Variants in PPARG observed in about 807,000 individuals in gnomAD.
PPARG encodes the protein peroxisome proliferator activated receptor gamma.
In PPARG, 17 loss-of-function variants were observed where a neutral mutation model predicts 39.2. The ratio of observed to expected loss-of-function variants is 0.43; its 90% CI spans 0.30 to 0.65. The LOEUF (loss-of-function observed/expected upper bound fraction) is 0.65. PPARG is among the 30% of genes least tolerant of loss of function. The probability of loss-of-function intolerance (pLI) is 0.13; values close to 1 mark genes in which losing one functional copy is unlikely to be tolerated. For synonymous variants in PPARG, 223 were observed against 215.7 expected (o/e 1.03, Z -0.30); for missense variants, 406 against 585.9 (o/e 0.69, Z 3.17).
intron 4 of PPARG, among the ~76,000 whole-genome samples, chr3:12,392,097 G>C (rs1447326157): frequency 6.6e-6 from 1 of 152,036 alleles, no homozygotes; most frequent in Non-Finnish European, 1.5e-5. Flanking sequence ...ATAAATAAGT[G>C]AAACAAATTC....
At chr3:12,403,730 T>C (rs2050559998) in intron 5 of PPARG, among the ~76,000 whole-genome samples, 1 of 152,208 alleles carries the variant, frequency 6.6e-6, no homozygotes, top group Admixed American at 6.5e-5. Flanking sequence ...ATGTGGAACC[T>C]GCGGGTATGG....
At chr3:12,350,758 T>C (rs2048460984) in intron 2 of PPARG, among the ~76,000 whole-genome samples, 1 of 152,248 alleles carries the variant, frequency 6.6e-6, no homozygotes, top group Non-Finnish European at 1.5e-5. Context: ...TTTTTCATTA[T>C]GACATAGCAC....
intron 2 of PPARG, among the ~76,000 whole-genome samples, chr3:12,338,466 TATG>T (rs2048080608): frequency 6.6e-6 from 1 of 152,210 alleles, no homozygotes; most frequent in South Asian, 2.1e-4. Context: ...AAAAATTTCT[TATG>T]ATTCTCAGTG....
At chr3:12,336,254 A>G (rs1575012819) in intron 2 of PPARG, among the ~76,000 whole-genome samples, 1 of 152,192 alleles carries the variant, frequency 6.6e-6, no homozygotes, top group Non-Finnish European at 1.5e-5. Flanking sequence ...AAACATCACA[A>G]GATACATCAG....
At chr3:12,334,934 G>T (rs1414521520) in intron 2 of PPARG, among the ~76,000 whole-genome samples, 1 of 151,814 alleles carries the variant, frequency 6.6e-6, no homozygotes, top group Non-Finnish European at 1.5e-5. Context: ...TTTTACTTAC[G>T]ACTACGGATT....
Position 12,416,718 on chromosome 3 carries a change from T to C in PPARG, c.744T>C (p.Tyr248=), listed in dbSNP as rs2051069718. Residue 248 remains tyrosine (Y), a synonymous_variant, in exon 7 of 8, where the codon TAT becomes TAC. Transcript: ENST00000651735. ...KTTDKSPFVI[Y]DMNSLMMGED... ...TTTATTTGCAGCCATTCGTTATCTA[T>C]GACATGAATTCCTTAATGATGGGAG... 1 of 1,613,692 alleles carries C rather than the reference T, an allele frequency of 6.2e-7. No homozygotes were observed. Among genetic ancestry groups the C allele is most frequent in the African/African-American group, 1.3e-5 (1 of 74,926 alleles).
At chr3:12,430,669 G>C (rs780797205) in intron 7 of PPARG, among the ~76,000 whole-genome samples, 1 of 152,172 alleles carries the variant, frequency 6.6e-6, no homozygotes, top group Non-Finnish European at 1.5e-5. Context: ...GTATAGTAGC[G>C]ATTGAGGTGT....
In PPARG at chr3:12,406,004, G is replaced by A. The variant is rs746778926; in HGVS notation, c.652G>A (p.Asp218Asn). The change falls in exon 6 of 8, where the codon GAC becomes AAC. Residue 218 changes from aspartate to asparagine, a missense_variant. Coordinates refer to ENST00000651735, the MANE Select transcript of PPARG (RefSeq NM_138711.6). Reference protein sequence around the residue: ...DLRALAKHLYDSYIKSFPLTK... With the variant: ...DLRALAKHLYNSYIKSFPLTK... ...CCGGGCCCTGGCAAAACATTTGTAT[G>A]ACTCATACATAAAGTCCTTCCCGCT... 2.5e-6 allele frequency: 4 copies of A among 1,614,020 alleles called. No individual in the cohort carries two copies. Among genetic ancestry groups the A allele is most frequent in the Non-Finnish European group, 3.4e-6 (4 of 1,180,020 alleles).
rs1211383093 is a variant in PPARG at position 12,397,375 on chromosome 3, C to CTTT, written c.529+4626_529+4628dup. On this transcript the variant is annotated intron_variant, in intron 5 of 7. Transcript: ENST00000651735. ...ACTAGATTTCAACTTTAACCTATTC[C>CTTT]TTTTTATTATTATTATTATTATTAT... is the stretch of plus-strand genomic sequence containing the variant. Among the ~76,000 whole-genome samples the CTTT allele has an allele frequency of 1.4e-3, 182 of 132,018 alleles. 1 individual carries two copies. The highest frequency in any genetic ancestry group is 0.012 in the Middle Eastern group (3 of 258). 86.6% of individuals were successfully genotyped at this position (132,018 alleles called of 152,430 possible). A position where few individuals can be genotyped will look rare whatever the true frequency, so the allele number is the denominator to read the frequency against.
chr3:12,412,895 G>T (rs1361157331), intron 6 of PPARG, among the ~76,000 whole-genome samples: 2 of 152,124 alleles, frequency 1.3e-5, no homozygotes, highest in Admixed American at 6.5e-5. Context: ...GCCCTTTGAT[G>T]TACGGTCTGA....
At chr3:12,353,349 G>C (rs2048548571) in intron 2 of PPARG, among the ~76,000 whole-genome samples, 1 of 152,066 alleles carries the variant, frequency 6.6e-6, no homozygotes, top group African/African-American at 2.4e-5. Context: ...AGCTCCTAAA[G>C]GCCCAAGACC....
intron 2 of PPARG, among the ~76,000 whole-genome samples, chr3:12,344,420 A>G (rs1302659817): frequency 6.6e-6 from 1 of 151,522 alleles, no homozygotes; most frequent in Non-Finnish European, 1.5e-5. Context: ...TGAACCATCT[A>G]CTATTAATGG....
intron 4 of PPARG, among the ~76,000 whole-genome samples, chr3:12,383,385 A>G (rs1229669609): frequency 2.0e-5 from 3 of 152,212 alleles, no homozygotes; most frequent in Non-Finnish European, 2.9e-5. Flanking sequence ...ATGAGTAGTA[A>G]GAACATGTCA....
At chr3:12,413,032 T>C (rs1386234706) in intron 6 of PPARG, among the ~76,000 whole-genome samples, 3 of 152,154 alleles carry the variant, frequency 2.0e-5, no homozygotes, top group Non-Finnish European at 2.9e-5. Context: ...GTGTAAGGAC[T>C]CCACTTTGCT....
chr3:12,408,425 T>C (rs1294844014), intron 6 of PPARG, among the ~76,000 whole-genome samples: 6 of 152,018 alleles, frequency 3.9e-5, no homozygotes, highest in East Asian at 1.9e-4. Context: ...CAAAAATAAA[T>C]GAAGACCTCT....
intron 2 of PPARG, among the ~76,000 whole-genome samples, chr3:12,317,201 T>C (rs1318472711): frequency 6.6e-6 from 1 of 152,200 alleles, no homozygotes; most frequent in East Asian, 1.9e-4. Flanking sequence ...TAGGCAATGC[T>C]TACTGCCCCA....
intron 7 of PPARG, among the ~76,000 whole-genome samples, chr3:12,429,298 C>T (rs1290560868): frequency 1.3e-5 from 2 of 152,078 alleles, no homozygotes; most frequent in African/African-American, 4.8e-5. Flanking sequence ...GACACTGCAC[C>T]GGAGCCAAGT....
chr3:12,336,245 A>G (rs937395295), intron 2 of PPARG, among the ~76,000 whole-genome samples: 1 of 152,190 alleles, frequency 6.6e-6, no homozygotes, highest in African/African-American at 2.4e-5. Context: ...ACACATTCTA[A>G]ACATCACAAG....
intron 2 of PPARG, chr3:12,328,125 C>A: frequency 1.5e-6 from 2 of 1,310,028 alleles, no homozygotes; most frequent in Non-Finnish European, 2.2e-6. Context: ...TTTTTCAGTC[C>A]AAGGAAGCAA....
Sources: gnomAD v4.1 joint callset for allele counts (sites outside exome capture counted in the v4.1 genomes callset) on GRCh38, gnomAD v4.1.1 for gene constraint, MANE v1.5 for transcripts, NCBI Gene and HGNC (gene_info 2026-07-23, HGNC 2026-07-21) for gene names.